Variants in CUX1 observed in about 807,000 individuals in gnomAD.
CUX1 encodes the protein cut like homeobox 1.
CUX1 carries 31 observed loss-of-function variants against 158.8 expected under a neutral mutation model. The ratio of observed to expected loss-of-function variants is 0.20; its 90% confidence interval spans 0.15 to 0.26. The LOEUF (loss-of-function observed/expected upper bound fraction) is 0.26, where lower values mean the gene tolerates loss of function less well. Ranked by LOEUF, CUX1 falls within the 10% of genes least tolerant of loss-of-function variation. The pLI, the probability that CUX1 is intolerant of heterozygous loss-of-function variation, is 1.00. For synonymous variants in CUX1, 879 were observed against 862.1 expected (o/e 1.02, Z -0.34); for missense variants, 1,589 against 2,014.6 (o/e 0.79, Z 4.04).
At chr7:101,855,393 T>G (rs528386315) in intron 1 of CUX1, among the ~76,000 whole-genome samples, 4 of 152,346 alleles carry the variant, frequency 2.6e-5, no homozygotes, top group South Asian at 2.1e-4. Flanking sequence ...TCCAGGGTGC[T>G]GGGGACCCAA....
chr7:102,069,698 A>T (rs1825921506), intron 3 of CUX1, among the ~76,000 whole-genome samples: 1 of 152,182 alleles, frequency 6.6e-6, no homozygotes, highest in African/African-American at 2.4e-5. Flanking sequence ...CAGTGAGCTG[A>T]GATCGTGCTA....
chr7:102,121,352 T>G (rs1437794768), intron 8 of CUX1, among the ~76,000 whole-genome samples: 1 of 150,672 alleles, frequency 6.6e-6, no homozygotes, highest in East Asian at 1.9e-4. Flanking sequence ...TTTTTGGTTT[T>G]TTTTTTTTTT....
intron 4 of CUX1, among the ~76,000 whole-genome samples, chr7:102,084,546 C>T (rs1351120103): frequency 6.9e-6 from 1 of 144,390 alleles, no homozygotes; most frequent in Non-Finnish European, 1.6e-5. Context: ...CCTCAGCCTC[C>T]CAAGTAGCTG....
intron 15 of CUX1, among the ~76,000 whole-genome samples, chr7:102,198,036 T>G (rs1554518853): frequency 1.3e-5 from 2 of 152,228 alleles, no homozygotes; most frequent in African/African-American, 4.8e-5. Context: ...GATGGATCGC[T>G]TGAGTCCAGG....
intron 1 of CUX1, among the ~76,000 whole-genome samples, chr7:101,834,636 G>C (rs1203558112): frequency 6.6e-6 from 1 of 152,116 alleles, no homozygotes; most frequent in Non-Finnish European, 1.5e-5. Context: ...GGTGCAGAGA[G>C]CAGTTCTTTT....
At chr7:101,928,820 G>A (rs1398509156) in intron 2 of CUX1, among the ~76,000 whole-genome samples, 21 of 151,416 alleles carry the variant, frequency 1.4e-4, no homozygotes, top group East Asian at 1.0e-3. Context: ...ACAGGCGCCC[G>A]CCACTACGCC....
At chr7:101,917,688 C>T (rs549988350) in intron 2 of CUX1, among the ~76,000 whole-genome samples, 140 of 152,316 alleles carry the variant, frequency 9.2e-4, no homozygotes, top group African/African-American at 3.2e-3. Context: ...TTCCTGAGCG[C>T]TTGTCCTTGA....
intron 18 of CUX1, among the ~76,000 whole-genome samples, chr7:102,278,644 TAAAATAAAATAAA>T (rs1791797070): frequency 3.3e-5 from 2 of 59,770 alleles, no homozygotes; most frequent in African/African-American, 7.4e-5. Flanking sequence ...TAAAATAAAA[TAAAATAAAATAAA>T]AAAATAAAAT....
chr7:102,276,037 T>C (rs1270709007), intron 17 of CUX1, among the ~76,000 whole-genome samples: 1 of 152,102 alleles, frequency 6.6e-6, no homozygotes, highest in Non-Finnish European at 1.5e-5. Flanking sequence ...TCCTTCCTTT[T>C]TAAGGCTGTA....
At chr7:102,076,017 G>A (rs1169501924) in intron 4 of CUX1, among the ~76,000 whole-genome samples, 2 of 98,120 alleles carry the variant, frequency 2.0e-5, no homozygotes, top group South Asian at 3.5e-4. Context: ...ATCCCCACCC[G>A]CCCCACTTCT....
chr7:101,996,505 C>T (rs115196504), intron 2 of CUX1, among the ~76,000 whole-genome samples: 6,221 of 152,060 alleles, frequency 0.041, 500 homozygotes, highest in African/African-American at 0.14. Context: ...TGGAGGGGGC[C>T]CCGAGCAGAC....
At chr7:102,180,992 G>A (rs1011361696) in intron 11 of CUX1, among the ~76,000 whole-genome samples, 1 of 150,184 alleles carries the variant, frequency 6.7e-6, no homozygotes, top group Non-Finnish European at 1.5e-5. Flanking sequence ...CCCAGGCTAG[G>A]GTGCGATGGC....
chr7:102,089,619 C>T (rs1345502752), intron 4 of CUX1, among the ~76,000 whole-genome samples: 2 of 152,246 alleles, frequency 1.3e-5, no homozygotes, highest in African/African-American at 4.8e-5. Flanking sequence ...GAAAGTCCTC[C>T]AGCCCTCAAA....
chr7:102,211,043 C>T lies in CUX1; in HGVS notation c.3130+5873C>T, dbSNP rs184792326. On this transcript the variant is annotated intron_variant, in intron 20 of 23. Coordinates refer to ENST00000292535, the MANE Select transcript of CUX1 (RefSeq NM_181552.4). ...GCAGTGTCCTTGATAAGCAGTCAGT[C>T]GGCTCTCCCACATTCATGGCTAACA... Among the ~76,000 whole-genome samples the T allele has an allele frequency of 1.1e-3, 164 of 152,304 alleles. 1 individual carries two copies. Among genetic ancestry groups the T allele is most frequent in the African/African-American group, 3.8e-3 (156 of 41,554 alleles).
At chr7:102,239,739 TTTTTCTTTTC>T (rs10634900) in intron 23 of CUX1, among the ~76,000 whole-genome samples, 155 bp downstream of exon 23, 2 of 149,006 alleles carry the variant, frequency 1.3e-5, no homozygotes, top group African/African-American at 4.9e-5. Flanking sequence ...TAGGGTTTTT[TTTTTCTTTTC>T]TTTTCTTTTC....
intron 21 of CUX1, among the ~76,000 whole-genome samples, chr7:102,227,957 T>TTC (rs1209643661): frequency 1.4e-5 from 2 of 145,206 alleles, no homozygotes; most frequent in African/African-American, 5.1e-5. Flanking sequence ...TTTTCTTTTT[T>TTC]TTTTTTTTTT....
chr7:102,281,421 G>T (rs1792051231), intron 20 of CUX1, among the ~76,000 whole-genome samples: 1 of 152,010 alleles, frequency 6.6e-6, no homozygotes, highest in Admixed American at 6.6e-5. Flanking sequence ...TCAGCACTTT[G>T]GGAGGCCAAG....
At chr7:101,849,716 G>A (rs968163577) in intron 1 of CUX1, among the ~76,000 whole-genome samples, 29 of 152,036 alleles carry the variant, frequency 1.9e-4, no homozygotes, top group East Asian at 9.6e-4. Context: ...TTGCTGGATC[G>A]AATGGTATTT....
intron 1 of CUX1, among the ~76,000 whole-genome samples, chr7:101,893,123 A>G (rs1584903052): frequency 7.8e-6 from 1 of 127,590 alleles, no homozygotes; most frequent in Admixed American, 7.7e-5. Flanking sequence ...GAAAAGTCCT[A>G]ATTTCTATTT....
Sources: gnomAD v4.1 joint callset for allele counts (sites outside exome capture counted in the v4.1 genomes callset) on GRCh38, gnomAD v4.1.1 for gene constraint, MANE v1.5 for transcripts, NCBI Gene and HGNC (gene_info 2026-07-23, HGNC 2026-07-21) for gene names.